COG5: variants seen among roughly 807,000 people sequenced by gnomAD.
The protein encoded by COG5 is component of oligomeric golgi complex 5.
Under a neutral mutation model 110.4 loss-of-function variants are expected in COG5, and 86 were observed. The observed-to-expected ratio is 0.78, with a 90% confidence interval of 0.65 to 0.93. COG5 has a LOEUF of 0.93. COG5 is among the 40% of genes least tolerant of loss of function. The probability of loss-of-function intolerance (pLI) is 0.00; values close to 1 mark genes in which losing one functional copy is unlikely to be tolerated. For missense variants in COG5, 1,077 were observed against 987.0 expected (o/e 1.09, Z -1.22); for synonymous variants, 360 against 334.6 (o/e 1.08, Z -0.83).
At chr7:107,521,631 C>G (rs1800324716) in intron 6 of COG5, among the ~76,000 whole-genome samples, 1 of 152,128 alleles carries the variant, frequency 6.6e-6, no homozygotes, top group Admixed American at 6.5e-5. Context: ...AGTCAAGAAA[C>G]AATAGATGCT....
intron 11 of COG5, among the ~76,000 whole-genome samples, chr7:107,311,410 G>A (rs1390768006): frequency 2.3e-5 from 2 of 88,720 alleles, no homozygotes; most frequent in South Asian, 4.0e-4. Context: ...TTTTTGAGAC[G>A]GAGTCTCGCT....
At chr7:107,468,090 C>T (rs1796410163) in intron 6 of COG5, among the ~76,000 whole-genome samples, 1 of 152,140 alleles carries the variant, frequency 6.6e-6, no homozygotes, top group Non-Finnish European at 1.5e-5. Flanking sequence ...TAATAAATAG[C>T]AACTAAATCT....
intron 12 of COG5, among the ~76,000 whole-genome samples, chr7:107,295,136 C>A (rs1806639388): frequency 9.6e-6 from 1 of 104,482 alleles, no homozygotes; most frequent in Non-Finnish European, 1.8e-5. Context: ...AGGATTTCAC[C>A]ATGTTGGCCA....
chr7:107,246,829 A>C (rs4730226), intron 17 of COG5, among the ~76,000 whole-genome samples: 23,804 of 152,208 alleles, frequency 0.16, 2,325 homozygotes, highest in Non-Finnish European at 0.22. Context: ...CAAAGGGCTA[A>C]AAGCAGAACT....
At chr7:107,537,209 C>A (rs1801644937) in intron 5 of COG5, among the ~76,000 whole-genome samples, 1 of 152,248 alleles carries the variant, frequency 6.6e-6, no homozygotes, top group African/African-American at 2.4e-5. Context: ...AATCCCATTA[C>A]AGGGTATATA....
chr7:107,250,780 G>A (rs1032645684), intron 16 of COG5, among the ~76,000 whole-genome samples: 1 of 152,086 alleles, frequency 6.6e-6, no homozygotes, highest in African/African-American at 2.4e-5. Context: ...ATTATACGTA[G>A]AGATGACCAA....
intron 6 of COG5, among the ~76,000 whole-genome samples, chr7:107,485,327 G>T (rs1797593568): frequency 6.6e-6 from 1 of 152,158 alleles, no homozygotes. Context: ...CTGATGATTT[G>T]ATTCAAAGAT....
rs550348070 is a variant in COG5 at position 107,488,622 on chromosome 7, A to G, written c.538+38615T>C. Among the ~76,000 whole-genome samples the G allele has an allele frequency of 2.8e-4, 43 of 152,282 alleles. 1 individual carries two copies. The South Asian group carries it at 8.5e-3, about 30-fold the overall frequency. ...CGCTTTGGGAGGCCAAGGAAGGTGG[A>G]TCACTTGAGGCCAGGAATTCAAGAC... On this transcript the variant is annotated intron_variant, in intron 6 of 21. Coordinates refer to ENST00000297135, the MANE Select transcript of COG5 (RefSeq NM_006348.5).
intron 14 of COG5, among the ~76,000 whole-genome samples, chr7:107,280,475 T>G (rs1247905763): frequency 6.6e-6 from 1 of 152,068 alleles, no homozygotes; most frequent in African/African-American, 2.4e-5. Flanking sequence ...AAAAGTAGAT[T>G]ATTTTGTTTA....
intron 16 of COG5, among the ~76,000 whole-genome samples, chr7:107,254,742 C>T (rs1234864741): frequency 6.6e-6 from 1 of 152,040 alleles, no homozygotes; most frequent in Non-Finnish European, 1.5e-5. Flanking sequence ...GAGAAACTAC[C>T]CTATACTGAA....
chr7:107,218,836 G>C (rs756681856), intron 19 of COG5, among the ~76,000 whole-genome samples: 6 of 151,978 alleles, frequency 3.9e-5, no homozygotes, highest in Non-Finnish European at 8.8e-5. Context: ...CCCAAAAGCT[G>C]AGACAATAAA....
intron 10 of COG5, among the ~76,000 whole-genome samples, chr7:107,353,685 AAAT>A (rs1473967113): frequency 1.3e-5 from 2 of 152,162 alleles, no homozygotes; most frequent in Non-Finnish European, 2.9e-5. Flanking sequence ...GAGAGGAATG[AAAT>A]AATAATAAAC....
intron 10 of COG5, among the ~76,000 whole-genome samples, chr7:107,329,399 A>G (rs1810050836): frequency 6.6e-6 from 1 of 152,162 alleles, no homozygotes; most frequent in Non-Finnish European, 1.5e-5. Context: ...GTAAGATAGT[A>G]TGTTAAAGCA....
chr7:107,543,529 GC>G (rs1474350634), intron 5 of COG5, among the ~76,000 whole-genome samples: 2 of 152,092 alleles, frequency 1.3e-5, no homozygotes, highest in Non-Finnish European at 2.9e-5. Context: ...TCGGCTTCAG[GC>G]TAATCCCAAC....
intron 5 of COG5, among the ~76,000 whole-genome samples, chr7:107,546,704 C>T (rs1049938273): frequency 2.0e-5 from 3 of 151,836 alleles, no homozygotes; most frequent in Non-Finnish European, 4.4e-5. Flanking sequence ...AACATTACAA[C>T]TGATATTACA....
At chr7:107,425,203 A>G (rs1793562728) in intron 6 of COG5, among the ~76,000 whole-genome samples, 1 of 152,116 alleles carries the variant, frequency 6.6e-6, no homozygotes, top group Non-Finnish European at 1.5e-5. Context: ...TTTAGACGCA[A>G]TACTAAAAGA....
At chr7:107,535,749 C>T (rs1478643082) in intron 5 of COG5, among the ~76,000 whole-genome samples, 1 of 152,116 alleles carries the variant, frequency 6.6e-6, no homozygotes, top group Admixed American at 6.5e-5. Context: ...GAGCTGGTAC[C>T]ATTCCTTCTA....
intron 17 of COG5, among the ~76,000 whole-genome samples, chr7:107,244,832 G>A (rs909275267): frequency 1.3e-5 from 2 of 152,108 alleles, no homozygotes; most frequent in Admixed American, 1.3e-4. Context: ...AAAAAAGTCT[G>A]AGGCCTGATG....
chr7:107,302,352 G>C (rs1187644227), intron 11 of COG5, among the ~76,000 whole-genome samples: 2 of 152,120 alleles, frequency 1.3e-5, no homozygotes, highest in African/African-American at 4.8e-5. Context: ...AAGCAGATCA[G>C]TGTTTGCCTG....
Sources: gnomAD v4.1 joint callset for allele counts (sites outside exome capture counted in the v4.1 genomes callset) on GRCh38, gnomAD v4.1.1 for gene constraint, MANE v1.5 for transcripts, NCBI Gene and HGNC (gene_info 2026-07-23, HGNC 2026-07-21) for gene names.